Variants in METTL15 observed in about 807,000 individuals in gnomAD.
METTL15 encodes methyltransferase 15, mitochondrial 12S rRNA N4-cytidine.
In METTL15, 34 loss-of-function variants were observed where a neutral mutation model predicts 38.3. That is an observed-to-expected ratio of 0.89 (90% CI 0.68 to 1.18). The LOEUF (loss-of-function observed/expected upper bound fraction) is 1.18. Among genes scored for constraint, METTL15 ranks in the 50% most tolerant of loss-of-function variants. The pLI, the probability that METTL15 is intolerant of heterozygous loss-of-function variation, is 0.00. For missense variants in METTL15, 438 were observed against 498.4 expected (o/e 0.88, Z 1.15); for synonymous variants, 162 against 170.9 (o/e 0.95, Z 0.41).
chr11:28,109,618 G>A (rs1289139111), intron 1 of METTL15, among the ~76,000 whole-genome samples: 1 of 152,192 alleles, frequency 6.6e-6, no homozygotes, highest in Non-Finnish European at 1.5e-5. Flanking sequence ...GTGACATTAA[G>A]AGAATATCTT....
chr11:28,373,713 T>C (rs1177652792), intron 5 of METTL15, among the ~76,000 whole-genome samples: 2 of 152,234 alleles, frequency 1.3e-5, no homozygotes, highest in Non-Finnish European at 2.9e-5. Context: ...CCATTGCTTT[T>C]GGTGTTTTAG....
intron 4 of METTL15, among the ~76,000 whole-genome samples, chr11:28,236,669 A>T (rs1220062563): frequency 6.6e-6 from 1 of 152,122 alleles, no homozygotes; most frequent in African/African-American, 2.4e-5. Context: ...TATTTTGCTC[A>T]TTAGTTGATG....
intron 6 of METTL15, among the ~76,000 whole-genome samples, chr11:28,322,127 G>A (rs1257723198): frequency 6.6e-6 from 1 of 151,844 alleles, no homozygotes; most frequent in Non-Finnish European, 1.5e-5. Flanking sequence ...CTTAGAGTGG[G>A]AAAAACCTTC....
chr11:28,124,873 C>T (rs1002962934), intron 3 of METTL15, among the ~76,000 whole-genome samples: 16 of 152,140 alleles, frequency 1.1e-4, no homozygotes, highest in Non-Finnish European at 1.8e-4. Context: ...TTTAATTTTT[C>T]TACCGGTATA....
In METTL15 at chr11:28,375,457, G is replaced by C. The variant is rs1240697167; in HGVS notation, c.*358+13421G>C. 2.6e-5 allele frequency among the ~76,000 whole-genome samples: 4 copies of C among 151,806 alleles called. No individual in the cohort carries two copies. In the East Asian group the frequency reaches 5.8e-4, roughly 22 times the overall value. On this transcript the variant is annotated intron_variant and NMD_transcript_variant, in intron 5 of 7. Transcript: ENST00000532947. ...AGATTTTCTAGTTTATTTGCATAGAGGTGTTTGTAGTATTCTCTGATGGTA... is the reference window on the plus strand; with the variant it reads ...AGATTTTCTAGTTTATTTGCATAGACGTGTTTGTAGTATTCTCTGATGGTA...
intron 5 of METTL15, among the ~76,000 whole-genome samples, chr11:28,387,970 G>A (rs1438368186): frequency 6.6e-6 from 1 of 151,986 alleles, no homozygotes; most frequent in African/African-American, 2.4e-5. Flanking sequence ...CTCAATTAAT[G>A]CAGAAAAAGT....
At chr11:28,279,053 T>C (rs898329324) in intron 4 of METTL15, among the ~76,000 whole-genome samples, 5 of 152,152 alleles carry the variant, frequency 3.3e-5, no homozygotes, top group African/African-American at 1.2e-4. Context: ...TTTCAAACTC[T>C]TGGGCTCAAA....
At chr11:28,507,563 C>T (rs1851639151) in intron 6 of METTL15, among the ~76,000 whole-genome samples, 2 of 152,122 alleles carry the variant, frequency 1.3e-5, no homozygotes, top group Admixed American at 1.3e-4. Context: ...ACATGGCTTC[C>T]CTTCTTTGAT....
At position 28,390,968 on chromosome 11, in the gene METTL15, A is replaced by G. The variant is rs1289754892; in HGVS notation, c.*358+28932A>G. Among the ~76,000 whole-genome samples the G allele has an allele frequency of 4.6e-5, 7 of 152,150 alleles. No homozygotes were observed. The East Asian group carries it at 5.8e-4, about 13-fold the overall frequency. On this transcript the variant is annotated intron_variant and NMD_transcript_variant, in intron 5 of 7. Transcript: ENST00000532947. ...ACGTCCCTTGTAAGTTGGATTCCTA[A>G]GTATTTTATTCTCTTTGAAGCAATT...
At chr11:28,189,113 T>A (rs1851610830) in intron 3 of METTL15, among the ~76,000 whole-genome samples, 1 of 151,306 alleles carries the variant, frequency 6.6e-6, no homozygotes, top group South Asian at 2.1e-4. Context: ...CTTAAATACT[T>A]TGCCAATAAA....
intron 4 of METTL15, among the ~76,000 whole-genome samples, chr11:28,284,625 T>A (rs1454752969): frequency 6.6e-6 from 1 of 152,126 alleles, no homozygotes; most frequent in Non-Finnish European, 1.5e-5. Flanking sequence ...GCAGTGTACA[T>A]GAAAAAGACT....
At chr11:28,376,657 A>G (rs1332746546) in intron 5 of METTL15, among the ~76,000 whole-genome samples, 2 of 151,862 alleles carry the variant, frequency 1.3e-5, no homozygotes, top group Non-Finnish European at 2.9e-5. Flanking sequence ...TAGTCAATTT[A>G]CATTTAAAGT....
intron 6 of METTL15, chr11:28,477,416 C>G (rs1453066791): frequency 6.6e-6 from 1 of 152,100 alleles, no homozygotes; most frequent in Non-Finnish European, 1.5e-5. Context: ...CCCCTGACTT[C>G]AGGTTATCCA....
intron 5 of METTL15, among the ~76,000 whole-genome samples, chr11:28,416,702 C>T (rs1277921975): frequency 6.6e-6 from 1 of 152,128 alleles, no homozygotes. Flanking sequence ...GCTCTGATAC[C>T]AGAGACTGGA....
intron 4 of METTL15, among the ~76,000 whole-genome samples, chr11:28,231,819 G>A (rs188950933): frequency 1.3e-5 from 2 of 151,814 alleles, no homozygotes; most frequent in African/African-American, 4.8e-5. Flanking sequence ...AGCACACCTT[G>A]TGCTACCTTT....
At chr11:28,143,445 G>C (rs1282467624) in intron 3 of METTL15, among the ~76,000 whole-genome samples, 2 of 152,090 alleles carry the variant, frequency 1.3e-5, no homozygotes, top group African/African-American at 4.8e-5. Context: ...ATCAAATGTA[G>C]CTGGTGTTCC....
At chr11:28,383,655 A>G (rs1362501990) in intron 5 of METTL15, among the ~76,000 whole-genome samples, 2 of 152,094 alleles carry the variant, frequency 1.3e-5, no homozygotes, top group Non-Finnish European at 2.9e-5. Flanking sequence ...AATAGTAGCC[A>G]TTCTGACTAG....
At chr11:28,500,157 T>C (rs539842827) in intron 6 of METTL15, among the ~76,000 whole-genome samples, 3 of 152,132 alleles carry the variant, frequency 2.0e-5, no homozygotes, top group Non-Finnish European at 4.4e-5. Context: ...ATACACACAA[T>C]GACTAAATGG....
chr11:28,245,474 A>AT (rs375939316), intron 4 of METTL15, among the ~76,000 whole-genome samples: 166 of 152,112 alleles, frequency 1.1e-3, no homozygotes, highest in African/African-American at 2.2e-3. Context: ...ACAAAGCTTG[A>AT]TTTTTTTAGT....
Sources: gnomAD v4.1 joint callset for allele counts (sites outside exome capture counted in the v4.1 genomes callset) on GRCh38, gnomAD v4.1.1 for gene constraint, MANE v1.5 for transcripts, NCBI Gene and HGNC (gene_info 2026-07-23, HGNC 2026-07-21) for gene names.